Variants in SLC39A11 observed in about 807,000 individuals in gnomAD.
SLC39A11 encodes the protein zinc transporter ZIP11.
SLC39A11 carries 33 observed loss-of-function variants against 36.1 expected under a neutral mutation model. The observed-to-expected ratio is 0.91, with a 90% confidence interval of 0.69 to 1.22. The LOEUF (loss-of-function observed/expected upper bound fraction) is 1.22. SLC39A11 is among the 50% of genes most tolerant of loss of function. The pLI is 0.00. For missense variants in SLC39A11, 432 were observed against 430.3 expected, an observed-to-expected ratio of 1.00 and a Z score of -0.03; for synonymous variants, 166 against 170.3, an observed-to-expected ratio of 0.97 and a Z score of 0.20.
chr17:72,811,409 C>A lies in SLC39A11; in HGVS notation c.601+38225G>T, dbSNP rs902811530. On this transcript the variant is annotated intron_variant, in intron 6 of 9. Coordinates refer to ENST00000255559, the MANE Select transcript of SLC39A11 (RefSeq NM_139177.4). Reference sequence around the variant, plus strand: ...TATTTTGGGGGTACAAACATTCAGGCCATGGCAATCACTGTTTATAATTTT... The same window carrying A: ...TATTTTGGGGGTACAAACATTCAGGACATGGCAATCACTGTTTATAATTTT... 3.9e-5 allele frequency among the ~76,000 whole-genome samples: 6 copies of A among 152,210 alleles called. No homozygotes were observed. In the South Asian group the frequency reaches 1.2e-3, roughly 31 times the overall value.
At chr17:72,715,709 T>C (rs1172545455) in intron 7 of SLC39A11, among the ~76,000 whole-genome samples, 1 of 152,130 alleles carries the variant, frequency 6.6e-6, no homozygotes, top group Non-Finnish European at 1.5e-5. Flanking sequence ...CCATCTTTTT[T>C]TATTTTTGAT....
intron 5 of SLC39A11, among the ~76,000 whole-genome samples, chr17:72,881,248 A>C (rs1374971228): frequency 6.6e-6 from 1 of 152,198 alleles, no homozygotes; most frequent in Non-Finnish European, 1.5e-5. Context: ...CTCAAACTGG[A>C]AACAGCCAAA....
intron 6 of SLC39A11, chr17:72,838,240 T>C: frequency 2.7e-6 from 1 of 370,334 alleles, no homozygotes; most frequent in East Asian, 3.8e-5. Flanking sequence ...TCTTTTTTTT[T>C]TTTTTTGAGA....
At chr17:72,660,276 C>T (rs745754124) in intron 7 of SLC39A11, among the ~76,000 whole-genome samples, 1 of 152,152 alleles carries the variant, frequency 6.6e-6, no homozygotes, top group Admixed American at 6.5e-5. Context: ...AGAGGCAGCC[C>T]GAGGTCCTCC....
At chr17:73,053,712 C>T (rs147540999) in intron 3 of SLC39A11, among the ~76,000 whole-genome samples, 135 of 152,274 alleles carry the variant, frequency 8.9e-4, no homozygotes, top group African/African-American at 3.1e-3. Context: ...TGCCAGAATA[C>T]ATGTCCACTA....
intron 6 of SLC39A11, among the ~76,000 whole-genome samples, chr17:72,746,991 G>A (rs2074964128): frequency 6.6e-6 from 1 of 151,972 alleles, no homozygotes; most frequent in South Asian, 2.1e-4. Flanking sequence ...AGGCTGCAGT[G>A]AGCTATGATC....
chr17:72,886,365 G>A (rs546699184), intron 5 of SLC39A11, among the ~76,000 whole-genome samples: 6 of 152,278 alleles, frequency 3.9e-5, no homozygotes, highest in African/African-American at 1.4e-4. Flanking sequence ...CAGAACTTTT[G>A]TTCTTCCAAC....
chr17:72,767,313 A>G (rs1236060597), intron 6 of SLC39A11, among the ~76,000 whole-genome samples: 1 of 152,208 alleles, frequency 6.6e-6, no homozygotes, highest in Non-Finnish European at 1.5e-5. Flanking sequence ...GGTACTAGAG[A>G]GACAGCCTTC....
intron 6 of SLC39A11, among the ~76,000 whole-genome samples, chr17:72,745,997 T>C (rs984840672): frequency 9.2e-5 from 14 of 152,154 alleles, no homozygotes; most frequent in Admixed American, 6.5e-5. Context: ...ATGACTTAAA[T>C]TACAGTTAGA....
intron 4 of SLC39A11, among the ~76,000 whole-genome samples, chr17:72,962,292 T>C (rs973591209): frequency 7.2e-5 from 11 of 152,292 alleles, no homozygotes; most frequent in African/African-American, 2.4e-4. Flanking sequence ...ACCGTTTCCA[T>C]GGGGCCAGAG....
At chr17:72,790,315 A>G (rs1029409536) in intron 6 of SLC39A11, among the ~76,000 whole-genome samples, 1 of 152,092 alleles carries the variant, frequency 6.6e-6, no homozygotes, top group African/African-American at 2.4e-5. Flanking sequence ...TGAAATACAA[A>G]CCATGTGACC....
intron 6 of SLC39A11, among the ~76,000 whole-genome samples, chr17:72,829,810 T>C (rs1047131011): frequency 1.5e-4 from 23 of 152,108 alleles, no homozygotes; most frequent in African/African-American, 5.6e-4. Flanking sequence ...GATGCAGTTT[T>C]CTCCACGTCA....
chr17:72,826,939 C>A (rs1404262938), intron 6 of SLC39A11, among the ~76,000 whole-genome samples: 1 of 152,200 alleles, frequency 6.6e-6, no homozygotes, highest in Non-Finnish European at 1.5e-5. Context: ...AACAGTCTTA[C>A]ATTTTCCTCA....
At chr17:73,006,191 T>G (rs2090170700) in intron 4 of SLC39A11, among the ~76,000 whole-genome samples, 1 of 152,178 alleles carries the variant, frequency 6.6e-6, no homozygotes, top group South Asian at 2.1e-4. Context: ...AAGTGTATTT[T>G]CCTTACCTGT....
intron 4 of SLC39A11, among the ~76,000 whole-genome samples, chr17:72,997,292 C>A (rs932822285): frequency 2.0e-5 from 3 of 152,158 alleles, no homozygotes; most frequent in Non-Finnish European, 4.4e-5. Flanking sequence ...CTCGCTCTGT[C>A]GCCCAGGCTG....
In SLC39A11 at chr17:73,078,636, G is replaced by A. The variant is rs369336081; in HGVS notation, c.147+6172C>T. Among the ~76,000 whole-genome samples the A allele has an allele frequency of 1.6e-4, 25 of 151,966 alleles. No homozygotes were observed. The East Asian group carries it at 3.1e-3, about 19-fold the overall frequency. ...CAAGTAGCTAGGATTACAGGTGCCC[G>A]CCACCATGCCTGGCTAATTTTTGTT... On this transcript the variant is annotated intron_variant, in intron 3 of 9. Transcript: ENST00000255559.
chr17:73,072,561 G>GA (rs2060194688), intron 3 of SLC39A11: 1 of 152,150 alleles, frequency 6.6e-6, no homozygotes, highest in Non-Finnish European at 1.5e-5. Flanking sequence ...AAACCGAAAA[G>GA]AAAAAATACA....
chr17:72,959,331 A>ATATATATG (rs2086460622), intron 4 of SLC39A11, among the ~76,000 whole-genome samples: 1 of 58,028 alleles, frequency 1.7e-5, no homozygotes, highest in African/African-American at 6.8e-5. Context: ...GTGTGTATAT[A>ATATATATG]TATATATATA....
At chr17:72,948,273 C>T (rs550741201) in intron 4 of SLC39A11, among the ~76,000 whole-genome samples, 1 of 148,816 alleles carries the variant, frequency 6.7e-6, no homozygotes, top group African/African-American at 2.5e-5. Context: ...CATCGCCGCA[C>T]ACATACCAAA....
Sources: allele counts gnomAD v4.1 joint callset (sites outside exome capture counted in the v4.1 genomes callset), GRCh38; gene constraint gnomAD v4.1.1; transcripts MANE v1.5; gene names NCBI Gene and HGNC (gene_info 2026-07-23, HGNC 2026-07-21).